The following AAMDC variants were observed in gnomAD, a reference collection of about 807,000 sequenced individuals.
AAMDC encodes mth938 domain-containing protein.
AAMDC carries 16 observed loss-of-function variants against 15.5 expected under a neutral mutation model. The ratio of observed to expected loss-of-function variants is 1.03; its 90% confidence interval spans 0.70 to 1.57. The LOEUF is 1.57. Among genes scored for constraint, AAMDC ranks in the 40% most tolerant of loss-of-function variants. The probability of loss-of-function intolerance (pLI) is 0.00; values close to 1 mark genes in which losing one functional copy is unlikely to be tolerated. For synonymous variants in AAMDC, 51 were observed against 51.6 expected (o/e 0.99, Z 0.05); for missense variants, 141 against 144.9 (o/e 0.97, Z 0.14).
At chr11:77,828,641 G>A (rs1468051132) in intron 1 of AAMDC, among the ~76,000 whole-genome samples, 15 of 148,540 alleles carry the variant, frequency 1.0e-4, no homozygotes, top group African/African-American at 1.0e-4. Flanking sequence ...ACTGCACTGC[G>A]CCTGGGCAAC....
intron 1 of AAMDC, among the ~76,000 whole-genome samples, chr11:77,839,818 G>A (rs1448637995): frequency 6.6e-6 from 1 of 152,106 alleles, no homozygotes; most frequent in East Asian, 1.9e-4. Context: ...GGGGCTTGCT[G>A]GTGGGGGTCA....
At chr11:77,838,924 A>C (rs1330461110) in intron 1 of AAMDC, among the ~76,000 whole-genome samples, 7 of 151,982 alleles carry the variant, frequency 4.6e-5, no homozygotes, top group Non-Finnish European at 1.0e-4. Flanking sequence ...CAATACAAGT[A>C]CCTTTTACTT....
At chr11:77,901,532 T>C, downstream of AAMDC, 1 of 1,608,552 alleles carries the variant, frequency 6.2e-7, no homozygotes. Flanking sequence ...GAATTCCATT[T>C]TGTAGGTCTC....
chr11:77,851,926 A>T lies in AAMDC; in HGVS notation c.132+9298A>T, dbSNP rs61627908. ...TGAATTTGAATATTTTCAAACTGTG[A>T]TCCAACAAATTATAAAAGAAATAGA... is the stretch of plus-strand genomic sequence containing the variant. On this transcript the variant is annotated intron_variant, in intron 2 of 3. Coordinates refer to ENST00000393427, the MANE Select transcript of AAMDC (RefSeq NM_024684.4). Among the ~76,000 whole-genome samples the T allele has an allele frequency of 1.2e-4, 19 of 152,282 alleles. No homozygotes were observed. In the East Asian group the frequency reaches 3.1e-3, roughly 25 times the overall value.
chr11:77,878,441 C>T (rs1261445752), intron 5 of AAMDC, among the ~76,000 whole-genome samples: 1 of 151,944 alleles, frequency 6.6e-6, no homozygotes, highest in Non-Finnish European at 1.5e-5. Flanking sequence ...CTACTGCCTG[C>T]ATTAGGGAAG....
chr11:77,823,398 G>A (rs7951033), intron 1 of AAMDC, among the ~76,000 whole-genome samples: 118,476 of 151,502 alleles, frequency 0.78, 46,424 homozygotes, highest in East Asian at 0.91. Context: ...ACGGGCAAGT[G>A]TATATCTCTT....
intron 1 of AAMDC, among the ~76,000 whole-genome samples, chr11:77,840,684 C>G (rs1232686245): frequency 6.6e-6 from 1 of 152,182 alleles, no homozygotes; most frequent in Non-Finnish European, 1.5e-5. Context: ...GCTGGGATTA[C>G]AGGCATGAGC....
chr11:77,845,076 A>G (rs879929936), intron 2 of AAMDC, among the ~76,000 whole-genome samples: 1 of 152,100 alleles, frequency 6.6e-6, no homozygotes, highest in Non-Finnish European at 1.5e-5. Flanking sequence ...CTAGGTATGG[A>G]TATCTTTGAG....
At chr11:77,893,891 T>TTAAATAAATAAATAAA (rs56269909) in intron 5 of AAMDC, among the ~76,000 whole-genome samples, 10,571 of 137,746 alleles carry the variant, frequency 0.077, 497 homozygotes, top group Non-Finnish European at 0.089. Flanking sequence ...AGACTCTGTC[T>TTAAATAAATAAATAAA]TAAATAAATA....
chr11:77,901,702 T>C (rs1214178043), downstream of AAMDC: 1 of 605,858 alleles, frequency 1.7e-6, no homozygotes, highest in Non-Finnish European at 2.9e-6. Flanking sequence ...ATTAGTATAG[T>C]ATGCCTTGTA....
At chr11:77,879,666 A>G (rs1266052676) in intron 5 of AAMDC, among the ~76,000 whole-genome samples, 1 of 152,194 alleles carries the variant, frequency 6.6e-6, no homozygotes, top group African/African-American at 2.4e-5. Context: ...TCATTCTTTC[A>G]TTACATTATC....
intron 1 of AAMDC, among the ~76,000 whole-genome samples, chr11:77,839,762 T>G (rs1488788682): frequency 6.6e-6 from 1 of 151,896 alleles, no homozygotes; most frequent in Non-Finnish European, 1.5e-5. Flanking sequence ...AAGTGGGTGC[T>G]GAACAATGAG....
chr11:77,827,158 C>G (rs890334850), intron 1 of AAMDC, among the ~76,000 whole-genome samples: 42 of 152,082 alleles, frequency 2.8e-4, no homozygotes, highest in Middle Eastern at 3.4e-3. Flanking sequence ...CCCCGCCCCC[C>G]TCAGAAAAGA....
chr11:77,892,001 T>G (rs1179239730), intron 5 of AAMDC, among the ~76,000 whole-genome samples: 2 of 152,172 alleles, frequency 1.3e-5, no homozygotes, highest in Non-Finnish European at 2.9e-5. Context: ...CAATCATGCC[T>G]CAGTCACATG....
intron 5 of AAMDC, among the ~76,000 whole-genome samples, chr11:77,894,555 A>G (rs1326163352): frequency 6.6e-6 from 1 of 152,214 alleles, no homozygotes; most frequent in Non-Finnish European, 1.5e-5. Context: ...TGCAGTGCCC[A>G]TTAAGCTCAA....
Position 77,835,976 on chromosome 11 carries a change from A to G in AAMDC, c.-18-6503A>G, listed in dbSNP as rs547084283. ...AATGGCAAAGTGAATTGAAGAATACATGCTGTAGAGTCAGACAGACTTGGA... is the reference window on the plus strand; with the variant it reads ...AATGGCAAAGTGAATTGAAGAATACGTGCTGTAGAGTCAGACAGACTTGGA... On this transcript the variant is annotated intron_variant, in intron 1 of 3. Transcript: ENST00000393427. Among the ~76,000 whole-genome samples, 3 of 152,298 alleles carry G rather than the reference A, an allele frequency of 2.0e-5. 1 individual carries two copies. In the South Asian group the frequency reaches 6.2e-4, roughly 32 times the overall value.
At chr11:77,878,562 C>T (rs1032198564) in intron 5 of AAMDC, 81 of 509,238 alleles carry the variant, frequency 1.6e-4, no homozygotes, top group African/African-American at 1.4e-3. Flanking sequence ...ACAAACACAC[C>T]GTCACTTTAA....
At chr11:77,877,593 T>A (rs1209437578) in intron 5 of AAMDC, among the ~76,000 whole-genome samples, 2 of 152,134 alleles carry the variant, frequency 1.3e-5, no homozygotes, top group African/African-American at 4.8e-5. Context: ...ACCTTTGGGA[T>A]CTTCTTGGAT....
chr11:77,887,880 C>G (rs1952086072), intron 5 of AAMDC, among the ~76,000 whole-genome samples: 1 of 152,128 alleles, frequency 6.6e-6, no homozygotes, highest in Admixed American at 6.5e-5. Flanking sequence ...TGTGAAGGAC[C>G]TCTTCAAGGA....
Sources: gnomAD v4.1 joint callset for allele counts (sites outside exome capture counted in the v4.1 genomes callset) on GRCh38, gnomAD v4.1.1 for gene constraint, MANE v1.5 for transcripts, NCBI Gene and HGNC (gene_info 2026-07-23, HGNC 2026-07-21) for gene names.